The following USP32 variants were observed in gnomAD, a reference collection of about 807,000 sequenced individuals.
USP32 encodes ubiquitin specific peptidase 32.
USP32 carries 59 observed loss-of-function variants against 204.8 expected under a neutral mutation model. That is an observed-to-expected ratio of 0.29 (90% CI 0.23 to 0.36). USP32 has a LOEUF of 0.36. USP32 is among the 10% of genes least tolerant of loss of function. The pLI is 1.00. For missense variants in USP32, 1,160 were observed against 1,946.4 expected, an observed-to-expected ratio of 0.60 and a Z score of 7.60; for synonymous variants, 517 against 678.4, an observed-to-expected ratio of 0.76 and a Z score of 3.70.
intron 11 of USP32, among the ~76,000 whole-genome samples, 178 bp from the exon 12 acceptor site, chr17:60,236,418 G>A (rs2085727080): frequency 6.6e-6 from 1 of 152,048 alleles, no homozygotes; most frequent in Non-Finnish European, 1.5e-5. Flanking sequence ...CCAATTTCAA[G>A]AGTCATAGGG....
rs532508884 is a variant in USP32 at position 60,330,037 on chromosome 17, C to A, written c.186+15444G>T. On this transcript the variant is annotated intron_variant, in intron 2 of 33. Coordinates refer to ENST00000300896, the MANE Select transcript of USP32 (RefSeq NM_032582.4). Reference sequence around the variant, plus strand: ...TTCTTTGAAGTTCTGGGTTGTAACTCCCTTTCCACTCACTAGCTTCCTTTA... The same window carrying A: ...TTCTTTGAAGTTCTGGGTTGTAACTACCTTTCCACTCACTAGCTTCCTTTA... 2.0e-3 allele frequency among the ~76,000 whole-genome samples: 304 copies of A among 152,296 alleles called. 1 individual carries two copies. The highest frequency in any genetic ancestry group is 6.9e-3 in the African/African-American group (285 of 41,556).
intron 1 of USP32, among the ~76,000 whole-genome samples, chr17:60,412,139 A>T (rs983947170): frequency 1.3e-5 from 2 of 152,186 alleles, no homozygotes; most frequent in African/African-American, 4.8e-5. Context: ...CCAACTTGGA[A>T]TTCAAGCTCA....
chr17:60,193,164 T>A (rs1276187979), intron 27 of USP32, among the ~76,000 whole-genome samples: 1 of 152,254 alleles, frequency 6.6e-6, no homozygotes, highest in Non-Finnish European at 1.5e-5. Flanking sequence ...GACTGCCAGA[T>A]GTCTCTAAGG....
intron 4 of USP32, among the ~76,000 whole-genome samples, chr17:60,291,468 C>T (rs544904192): frequency 1.8e-4 from 28 of 152,068 alleles, no homozygotes; most frequent in Non-Finnish European, 3.2e-4. Context: ...AAAGCTGAGA[C>T]CCATATCACT....
chr17:60,205,408 T>C, intron 26 of USP32, 39 bp downstream of exon 26: 1 of 1,598,590 alleles, frequency 6.3e-7, no homozygotes, highest in Non-Finnish European at 8.6e-7. Flanking sequence ...CAAATGACAC[T>C]AGCAAGACTG....
chr17:60,318,736 T>G (rs1053885903), intron 2 of USP32, among the ~76,000 whole-genome samples: 2 of 152,218 alleles, frequency 1.3e-5, no homozygotes, highest in Non-Finnish European at 2.9e-5. Context: ...TTTACTGAAT[T>G]AATGATATCC....
At chr17:60,371,253 T>TAAAAAAAAA (rs373242290) in intron 1 of USP32, among the ~76,000 whole-genome samples, 2 of 66,264 alleles carry the variant, frequency 3.0e-5, no homozygotes, top group East Asian at 4.0e-4. Flanking sequence ...CTCTAAAAAT[T>TAAAAAAAAA]AAAAAAAAAA....
intron 24 of USP32, 146 bp downstream of exon 24, chr17:60,207,913 T>G: frequency 7.1e-7 from 1 of 1,406,580 alleles, no homozygotes; most frequent in Non-Finnish European, 9.5e-7. Flanking sequence ...GTTGGAAAAC[T>G]TGGCATTTTT....
chr17:60,224,039 A>T (rs79021418), intron 13 of USP32, among the ~76,000 whole-genome samples: 2,660 of 152,336 alleles, frequency 0.017, 40 homozygotes, highest in Non-Finnish European at 0.024. Flanking sequence ...TGGGGGCTAG[A>T]TCCTATTGTA....
At chr17:60,192,661 G>A (rs1395979732) in intron 28 of USP32, among the ~76,000 whole-genome samples, 183 bp downstream of exon 28, 1 of 152,132 alleles carries the variant, frequency 6.6e-6, no homozygotes, top group Non-Finnish European at 1.5e-5. Context: ...CTGATCTCAG[G>A]TGATCCACCC....
intron 11 of USP32, among the ~76,000 whole-genome samples, chr17:60,245,035 C>T (rs114212653): frequency 1.1e-3 from 161 of 152,302 alleles, no homozygotes; most frequent in African/African-American, 3.8e-3. Flanking sequence ...AAATATAGCT[C>T]CCCTTCTACT....
chr17:60,210,453 A>C (rs900316248), intron 21 of USP32, among the ~76,000 whole-genome samples: 2 of 152,106 alleles, frequency 1.3e-5, no homozygotes, highest in African/African-American at 4.8e-5. Flanking sequence ...CTGGGATTAC[A>C]AGCATGCACC....
At chr17:60,422,067 G>A (rs1250690995) in intron 1 of USP32, among the ~76,000 whole-genome samples, 1 of 152,144 alleles carries the variant, frequency 6.6e-6, no homozygotes, top group Non-Finnish European at 1.5e-5. Context: ...CTTCCTGGAG[G>A]CCGCAGGGGC....
At chr17:60,384,567 G>A (rs2089697116) in intron 1 of USP32, among the ~76,000 whole-genome samples, 1 of 152,080 alleles carries the variant, frequency 6.6e-6, no homozygotes, top group Non-Finnish European at 1.5e-5. Context: ...CGAGGCGGGC[G>A]GATCACCTGA....
At chr17:60,286,568 A>G (rs1444575697) in intron 5 of USP32, among the ~76,000 whole-genome samples, 1 of 152,236 alleles carries the variant, frequency 6.6e-6, no homozygotes, top group African/African-American at 2.4e-5. Context: ...GGGTCCCTGC[A>G]TGCATGGAAA....
At chr17:60,313,056 G>T (rs1351485062) in intron 2 of USP32, among the ~76,000 whole-genome samples, 2 of 152,120 alleles carry the variant, frequency 1.3e-5, no homozygotes. Context: ...TTTGAAACCA[G>T]CCTGGCCAAC....
intron 9 of USP32, among the ~76,000 whole-genome samples, chr17:60,262,760 T>C (rs957005630): frequency 6.6e-6 from 1 of 152,206 alleles, no homozygotes; most frequent in Admixed American, 6.5e-5. Flanking sequence ...TGTACAGTCC[T>C]ATACAGTAAT....
chr17:60,224,938 C>G (rs945363558), intron 13 of USP32, among the ~76,000 whole-genome samples: 2 of 152,122 alleles, frequency 1.3e-5, no homozygotes, highest in African/African-American at 4.8e-5. Context: ...GTACCAAGGC[C>G]TAAAGGGAAT....
intron 2 of USP32, chr17:60,305,015 C>A (rs900772751): frequency 3.3e-5 from 5 of 152,160 alleles, no homozygotes; most frequent in Non-Finnish European, 7.3e-5. Flanking sequence ...AGTCATACAT[C>A]AATGAAGCAG....
Sources: allele counts gnomAD v4.1 joint callset (sites outside exome capture counted in the v4.1 genomes callset), GRCh38; gene constraint gnomAD v4.1.1; transcripts MANE v1.5; gene names NCBI Gene and HGNC (gene_info 2026-07-23, HGNC 2026-07-21).